Variants in PTPRS observed in about 807,000 individuals in gnomAD.
The protein encoded by PTPRS is receptor-type tyrosine-protein phosphatase S.
Under a neutral mutation model 215.3 loss-of-function variants are expected in PTPRS, and 63 were observed. The ratio of observed to expected loss-of-function variants is 0.29; its 90% CI spans 0.24 to 0.36. The LOEUF is 0.36. PTPRS is among the 10% of genes least tolerant of loss of function. The pLI is 1.00. For missense variants in PTPRS, 2,258 were observed against 2,825.8 expected (o/e 0.80, Z 4.56); for synonymous variants, 1,404 against 1,191.4 (o/e 1.18, Z -3.68).
chr19:5,293,265 C>T lies in PTPRS; in HGVS notation c.-94-7031G>A, dbSNP rs1568585307. On this transcript the variant is annotated intron_variant, in intron 1 of 37. Transcript: ENST00000262963. This position sits in a 1 kb window ranked among gnomAD's most constrained non-coding sequence, Gnocchi z 8.4. ...GCGAAGACTCGGGAGAGGCCTCGGC[C>T]TGGGGAGCTCGGCCTGGGGGCGGGG... 7.1e-6 allele frequency: 1 copy of T among 141,576 alleles called. No individual in the cohort carries two copies. The highest frequency in any genetic ancestry group is 1.5e-5 in the Non-Finnish European group (1 of 65,084). 8.8% of individuals were successfully genotyped at this position (141,576 alleles called of 1,614,324 possible). A position where few individuals can be genotyped will look rare whatever the true frequency, so the allele number is the denominator to read the frequency against.
At position 5,237,016 on chromosome 19, in the gene PTPRS, C is replaced by T. The variant is rs989301030; in HGVS notation, c.1849+1903G>A. Among the ~76,000 whole-genome samples, 7 of 152,168 alleles carry T rather than the reference C, an allele frequency of 4.6e-5. No individual in the cohort carries two copies. The highest frequency in any genetic ancestry group is 2.1e-4 in the South Asian group (1 of 4,828). ...AGAAAGAAAGACTCCTTCCAGAAAA[C>T]GCCCAGTCTGGTTACCTACCTTCCA... is the stretch of plus-strand genomic sequence containing the variant. On this transcript the variant is annotated intron_variant, in intron 13 of 37. Coordinates refer to ENST00000262963, the MANE Select transcript of PTPRS (RefSeq NM_002850.4). The surrounding 1 kb of genome is among the most constrained non-coding windows in gnomAD (Gnocchi z 4.2).
Position 5,314,951 on chromosome 19 carries a change from C to T in PTPRS, c.-95+25713G>A, listed in dbSNP as rs112693227. Among the ~76,000 whole-genome samples, 262 of 152,306 alleles carry T rather than the reference C, an allele frequency of 1.7e-3. 2 individuals are homozygous for T. Among genetic ancestry groups the T allele is most frequent in the African/African-American group, 5.8e-3 (243 of 41,554 alleles). ...TTCAGATTTGGGACTGAGGACAGTT[C>T]CCACCAACTGAATATCTACCATGAT... On this transcript the variant is annotated intron_variant, in intron 1 of 37. Transcript: ENST00000262963.
chr19:5,320,796 A>G (rs183434446), intron 1 of PTPRS, among the ~76,000 whole-genome samples: 2 of 152,090 alleles, frequency 1.3e-5, no homozygotes, highest in African/African-American at 4.8e-5. Context: ...TCACCCTATG[A>G]ACTCACTAGA....
intron 17 of PTPRS, among the ~76,000 whole-genome samples, chr19:5,225,253 C>A (rs1484254913): frequency 6.6e-6 from 1 of 151,986 alleles, no homozygotes; most frequent in Non-Finnish European, 1.5e-5. Context: ...AAATAACAAC[C>A]TAGCCGGGGC....
At chr19:5,291,985 C>T (rs2048859547) in intron 1 of PTPRS, among the ~76,000 whole-genome samples, 1 of 151,986 alleles carries the variant, frequency 6.6e-6, no homozygotes, top group Admixed American at 6.6e-5. Context: ...TACCCTTTCA[C>T]ATCCTCATCA....
At chr19:5,233,336 G>C (rs2043173009) in intron 13 of PTPRS, among the ~76,000 whole-genome samples, 1 of 151,106 alleles carries the variant, frequency 6.6e-6, no homozygotes, top group African/African-American at 2.4e-5. Context: ...ACCATGCCAA[G>C]GGGAATGGCA....
chr19:5,312,936 A>G (rs1051632666), intron 1 of PTPRS, among the ~76,000 whole-genome samples: 1 of 152,140 alleles, frequency 6.6e-6, no homozygotes, highest in African/African-American at 2.4e-5. Flanking sequence ...ATTTATTTAG[A>G]CAGAGTCTCA....
rs368483020 is a variant in PTPRS at position 5,223,134 on chromosome 19, G to C, written c.2658C>G (p.Ser886=). ...CGCCTGATGCCGTGTAGCGGTCCTC[G>C]GAGGGCGGGAACTCCAGGGTGGCCA... ...TPLATLEFPP[S]EDRYTASGVH... is the part of the protein sequence containing the mutation. Residue 886 remains serine (S), a synonymous_variant, in exon 18 of 38, where the codon TCC becomes TCG. Coordinates refer to ENST00000262963, the MANE Select transcript of PTPRS (RefSeq NM_002850.4). 3.2e-6 allele frequency: 5 copies of C among 1,570,208 alleles called. No individual in the cohort carries two copies. The African/African-American group carries it at 6.8e-5, about 21-fold the overall frequency.
intron 2 of PTPRS, among the ~76,000 whole-genome samples, chr19:5,276,222 T>C (rs990550732): frequency 1.8e-5 from 2 of 108,360 alleles, no homozygotes; most frequent in African/African-American, 4.0e-5. Flanking sequence ...GGAGTGTTTT[T>C]GTTTTTGTTT....
intron 4 of PTPRS, among the ~76,000 whole-genome samples, chr19:5,269,890 C>T (rs1294145817): frequency 2.8e-5 from 4 of 140,550 alleles, no homozygotes; most frequent in African/African-American, 1.1e-4. Context: ...CATTGCACTC[C>T]AGCCTGGGTA....
In PTPRS at chr19:5,240,976, G is replaced by A. The variant is rs193269830; in HGVS notation, c.1571-644C>T. Among the ~76,000 whole-genome samples the A allele has an allele frequency of 4.8e-3, 597 of 123,262 alleles. 2 individuals are homozygous for A. The highest frequency in any genetic ancestry group is 0.017 in the African/African-American group (556 of 32,094). 80.9% of individuals were successfully genotyped at this position (123,262 alleles called of 152,430 possible). On this transcript the variant is annotated intron_variant, in intron 11 of 37. Coordinates refer to ENST00000262963, the MANE Select transcript of PTPRS (RefSeq NM_002850.4). Reference sequence around the variant, plus strand: ...ACGATCTCGGCTCACTGCAACCTCCGCCTCCAGGGTTCAAGTGATTCACCT... The same window carrying A: ...ACGATCTCGGCTCACTGCAACCTCCACCTCCAGGGTTCAAGTGATTCACCT...
chr19:5,267,546 C>T (rs1177902256), intron 4 of PTPRS, among the ~76,000 whole-genome samples: 1 of 151,770 alleles, frequency 6.6e-6, no homozygotes, highest in African/African-American at 2.4e-5. Flanking sequence ...AATCCCAGTT[C>T]CTTGGGAGGC....
intron 1 of PTPRS, among the ~76,000 whole-genome samples, chr19:5,336,070 G>C (rs1162218079): frequency 2.0e-5 from 3 of 151,652 alleles, no homozygotes; most frequent in Admixed American, 1.3e-4. Context: ...TGGAGGGCCT[G>C]TCCGTGAATC....
At chr19:5,225,385 G>A (rs924129797) in intron 17 of PTPRS, among the ~76,000 whole-genome samples, 1 of 152,142 alleles carries the variant, frequency 6.6e-6, no homozygotes. Context: ...AGACCTAAAG[G>A]CAGAAGAGGA....
rs200229708 is a variant in PTPRS at position 5,215,282 on chromosome 19, G to C, written c.4318+7C>G. ...GGGCAGGTTAAGACCCGGGATCTCC[G>C]AACTACCTTCAATGGGCTGGAGGAT... On this transcript the variant is annotated splice_region_variant and intron_variant, in intron 28 of 37. Coordinates refer to ENST00000262963, the MANE Select transcript of PTPRS (RefSeq NM_002850.4). The C allele has an allele frequency of 6.2e-7, 1 of 1,613,316 alleles. No individual in the cohort carries two copies.
intron 35 of PTPRS, among the ~76,000 whole-genome samples, chr19:5,209,816 C>T (rs2040697744): frequency 6.6e-6 from 1 of 152,188 alleles, no homozygotes; most frequent in Non-Finnish European, 1.5e-5. Context: ...GCTCACAGCA[C>T]AATGCCCGGT....
At chr19:5,250,401 AC>A (rs1464665004) in intron 9 of PTPRS, among the ~76,000 whole-genome samples, 2 of 150,982 alleles carry the variant, frequency 1.3e-5, no homozygotes, top group Non-Finnish European at 3.0e-5. Context: ...TCATCTTTCC[AC>A]CCCCGGCTGC....
intron 32 of PTPRS, 97 bp from the exon 33 acceptor site, chr19:5,211,865 G>A (rs1270797641): frequency 1.3e-5 from 21 of 1,569,814 alleles, no homozygotes; most frequent in Non-Finnish European, 1.8e-5. Context: ...GGGGCACCCT[G>A]CCACCACCTT....
At chr19:5,238,286 G>A (rs1238072927) in intron 13 of PTPRS, among the ~76,000 whole-genome samples, 1 of 152,100 alleles carries the variant, frequency 6.6e-6, no homozygotes, top group Non-Finnish European at 1.5e-5. Flanking sequence ...CAGGGAGGCC[G>A]GGCCGGCACA....
Sources: allele counts gnomAD v4.1 joint callset (sites outside exome capture counted in the v4.1 genomes callset), GRCh38; gene constraint gnomAD v4.1.1; non-coding constraint Gnocchi (gnomAD v3.1); transcripts MANE v1.5; gene names NCBI Gene and HGNC (gene_info 2026-07-23, HGNC 2026-07-21).